Variants in IPP observed in about 807,000 individuals in gnomAD.
IPP encodes the protein actin-binding protein IPP.
In IPP, 41 loss-of-function variants were observed where a neutral mutation model predicts 64.1. The observed-to-expected ratio is 0.64, with a 90% CI of 0.50 to 0.83. The LOEUF (loss-of-function observed/expected upper bound fraction) is 0.83. Ranked by LOEUF, IPP falls within the 40% of genes least tolerant of loss-of-function variation. The pLI, the probability that IPP is intolerant of heterozygous loss-of-function variation, is 0.00. For missense variants in IPP, 649 were observed against 703.0 expected (o/e 0.92, Z 0.87); for synonymous variants, 214 against 235.2 (o/e 0.91, Z 0.83).
chr1:45,731,647 A>C (rs1247678816), intron 3 of IPP, among the ~76,000 whole-genome samples: 1 of 151,888 alleles, frequency 6.6e-6, no homozygotes, highest in Non-Finnish European at 1.5e-5. Flanking sequence ...ATTAAAGTAC[A>C]TCCCAGGGCC....
In IPP at chr1:45,699,924, G is replaced by A. The variant is rs938986016; in HGVS notation, c.*42C>T. ...TTTGCTTTGCAAAAGGTCAGGTCCT[G>A]CATTTTCAAAATGTTCCTTGTGCTC... On this transcript the variant is annotated 3_prime_UTR_variant, in exon 9 of 9. Transcript: ENST00000396478. 8 of 1,601,736 alleles carry A rather than the reference G, an allele frequency of 5.0e-6. No homozygotes were observed. The highest frequency in any genetic ancestry group is 1.7e-5 in the Admixed American group (1 of 59,050).
intron 3 of IPP, among the ~76,000 whole-genome samples, chr1:45,733,565 A>T (rs1335000573): frequency 1.3e-5 from 2 of 151,604 alleles, no homozygotes; most frequent in Non-Finnish European, 2.9e-5. Flanking sequence ...TTGGCCAGGC[A>T]TGGTGGCTCA....
At chr1:45,712,102 G>A (rs1645598038) in intron 8 of IPP, among the ~76,000 whole-genome samples, 1 of 151,844 alleles carries the variant, frequency 6.6e-6, no homozygotes, top group Non-Finnish European at 1.5e-5. Context: ...GATTGCTTGA[G>A]GTCATGAGTT....
intron 8 of IPP, among the ~76,000 whole-genome samples, chr1:45,713,753 C>G (rs1183247740): frequency 6.6e-6 from 1 of 152,116 alleles, no homozygotes; most frequent in East Asian, 1.9e-4. Flanking sequence ...ATTATACAGT[C>G]TCACTATGCT....
intron 3 of IPP, among the ~76,000 whole-genome samples, chr1:45,739,967 CG>C (rs1646037640): frequency 6.6e-6 from 1 of 152,030 alleles, no homozygotes; most frequent in Non-Finnish European, 1.5e-5. Flanking sequence ...GAGGACCCTG[CG>C]GCCTTCCGCA....
rs1477830565 is a variant in IPP, at chr1:45,698,766, C to T, written c.*1200G>A. 2.1e-5 allele frequency: 14 copies of T among 669,112 alleles called. No homozygotes were observed. The highest frequency in any genetic ancestry group is 1.8e-5 in the Non-Finnish European group (10 of 544,168). The allele number at this position is 669,112 out of a possible 1,614,324, so 41.4% of individuals were successfully genotyped here. A position where few individuals can be genotyped will look rare whatever the true frequency, so the allele number is the denominator to read the frequency against. Reference sequence around the variant, plus strand: ...CAGGTTCTCATGCTGTCACCCAGGCCGGTGTGCAGTGGCACAATCTTGGCT... The same window carrying T: ...CAGGTTCTCATGCTGTCACCCAGGCTGGTGTGCAGTGGCACAATCTTGGCT... On this transcript the variant is annotated 3_prime_UTR_variant, in exon 9 of 9. Coordinates refer to ENST00000396478, the MANE Select transcript of IPP (RefSeq NM_005897.3).
intron 8 of IPP, among the ~76,000 whole-genome samples, chr1:45,701,486 C>A (rs1007150224): frequency 6.6e-6 from 1 of 152,152 alleles, no homozygotes. Flanking sequence ...ACAGTTTCAC[C>A]GTGTTGGCCA....
intron 3 of IPP, among the ~76,000 whole-genome samples, chr1:45,737,457 CTTTTT>C (rs778748035): frequency 1.6e-5 from 2 of 121,244 alleles, no homozygotes; most frequent in African/African-American, 6.1e-5. Flanking sequence ...ATAAACAATT[CTTTTT>C]TTTTTTTTTT....
At chr1:45,725,531 G>A (rs1485617136) in intron 5 of IPP, among the ~76,000 whole-genome samples, 4 of 137,810 alleles carry the variant, frequency 2.9e-5, no homozygotes, top group Admixed American at 7.1e-5. Flanking sequence ...CTGCCCGGCC[G>A]CCCCTACTGG....
At chr1:45,723,153 A>T (rs1645756159) in intron 5 of IPP, among the ~76,000 whole-genome samples, 1 of 152,226 alleles carries the variant, frequency 6.6e-6, no homozygotes, top group African/African-American at 2.4e-5. Context: ...CAACATTTAG[A>T]ATATGAACCC....
chr1:45,698,536 A>G (rs1645407587), downstream of IPP, among the ~76,000 whole-genome samples: 1 of 152,038 alleles, frequency 6.6e-6, no homozygotes, highest in Admixed American at 6.6e-5. Context: ...AAAGTTTCAG[A>G]AGTACCTACA....
At chr1:45,715,411 G>A (rs973653350) in intron 7 of IPP, among the ~76,000 whole-genome samples, 2 of 152,012 alleles carry the variant, frequency 1.3e-5, no homozygotes, top group African/African-American at 4.8e-5. Context: ...GGGGGCCAAG[G>A]TGGGCAGATG....
rs1431680072 is a variant in IPP at position 45,741,628 on chromosome 1, T to C, written c.293-296A>G. On this transcript the variant is annotated intron_variant, in intron 2 of 8. Coordinates refer to ENST00000396478, the MANE Select transcript of IPP (RefSeq NM_005897.3). ...ATTATTATTTTTCTTATTTTCTTTT[T>C]TTTTTTTTTTTTTTTTTTGAGACGG... Among the ~76,000 whole-genome samples the C allele has an allele frequency of 2.0e-4, 19 of 96,458 alleles. 2 individuals carry two copies. The highest frequency in any genetic ancestry group is 5.2e-3 in the Middle Eastern group (1 of 192). 63.3% of individuals were successfully genotyped at this position (96,458 alleles called of 152,430 possible). A position where few individuals can be genotyped will look rare whatever the true frequency, so the allele number is the denominator to read the frequency against.
rs186680133 is a variant in IPP, at chr1:45,741,226, T to A, written c.399A>T (p.Gln133His). The A allele has an allele frequency of 1.9e-6, 3 of 1,614,166 alleles. No individual in the cohort carries two copies. The East Asian group carries it at 6.7e-5, about 36-fold the overall frequency. Residue 133 changes from glutamine (Q) to histidine (H), a missense_variant, in exon 3 of 9, where the codon CAA becomes CAT. Transcript: ENST00000396478. ...VHLCCEFLKG[Q>H]IDPLNCIGIF... is the part of the protein sequence containing the mutation. ...TTCCAATGCAGTTCAGTGGATCAAT[T>A]TGTCCTTTCAGAAATTCACAGCAAA... is the stretch of plus-strand genomic sequence containing the variant.
chr1:45,743,074 A>G (rs1249657139), intron 2 of IPP, among the ~76,000 whole-genome samples: 1 of 151,868 alleles, frequency 6.6e-6, no homozygotes, highest in Non-Finnish European at 1.5e-5. Context: ...AGTAGCCAGG[A>G]TTACAGATGC....
chr1:45,732,132 G>T (rs1044060852), intron 3 of IPP, among the ~76,000 whole-genome samples: 1 of 151,936 alleles, frequency 6.6e-6, no homozygotes, highest in African/African-American at 2.4e-5. Flanking sequence ...AGCTATGGCG[G>T]GTGGATCACC....
In IPP at chr1:45,699,052, C is replaced by T; in HGVS notation, c.*914G>A. 2 of 985,440 alleles carry T rather than the reference C, an allele frequency of 2.0e-6. No individual in the cohort carries two copies. Among genetic ancestry groups the T allele is most frequent in the African/African-American group, 1.7e-5 (1 of 57,312 alleles). The allele number at this position is 985,440 out of a possible 1,614,324, so 61.0% of individuals were successfully genotyped here. A position where few individuals can be genotyped will look rare whatever the true frequency, so the allele number is the denominator to read the frequency against. ...TAAAAAAGGGAGAAATTTCTAGGTG[C>T]ATACTGCCTGCTGGACTGTATAGCC... On this transcript the variant is annotated 3_prime_UTR_variant, in exon 9 of 9. Transcript: ENST00000396478.
intron 8 of IPP, among the ~76,000 whole-genome samples, chr1:45,711,551 T>G (rs1187905444): frequency 6.6e-6 from 1 of 151,860 alleles, no homozygotes; most frequent in Non-Finnish European, 1.5e-5. Flanking sequence ...GTCAGGAGTT[T>G]GAGACCAGTC....
At position 45,741,676 on chromosome 1, in the gene IPP, C is replaced by T. The variant is rs1477815910; in HGVS notation, c.293-344G>A. Among the ~76,000 whole-genome samples, 7 of 73,494 alleles carry T rather than the reference C, an allele frequency of 9.5e-5. 1 individual carries two copies. Among genetic ancestry groups the T allele is most frequent in the African/African-American group, 1.8e-4 (4 of 22,580 alleles). 48.2% of individuals were successfully genotyped at this position (73,494 alleles called of 152,430 possible). Reference sequence around the variant, plus strand: ...CGGAGTCCCGCTCTTTAGCCCAGGCCGGATTGCAGTGGCACAATCTTGGCT... The same window carrying T: ...CGGAGTCCCGCTCTTTAGCCCAGGCTGGATTGCAGTGGCACAATCTTGGCT... On this transcript the variant is annotated intron_variant, in intron 2 of 8. Coordinates refer to ENST00000396478, the MANE Select transcript of IPP (RefSeq NM_005897.3).
Sources: allele counts gnomAD v4.1 joint callset (sites outside exome capture counted in the v4.1 genomes callset), GRCh38; gene constraint gnomAD v4.1.1; transcripts MANE v1.5; gene names NCBI Gene and HGNC (gene_info 2026-07-23, HGNC 2026-07-21).